The following AGBL4 variants were observed in gnomAD, a reference collection of about 807,000 sequenced individuals.
AGBL4 encodes the protein cytosolic carboxypeptidase 6.
In AGBL4, 58 loss-of-function variants were observed where a neutral mutation model predicts 66.4. That is an observed-to-expected ratio of 0.87 (90% confidence interval 0.71 to 1.09). The LOEUF is 1.09. AGBL4 is among the 50% of genes least tolerant of loss of function. The probability of loss-of-function intolerance (pLI) is 0.00; values close to 1 mark genes in which losing one functional copy is unlikely to be tolerated. For missense variants in AGBL4, 579 were observed against 631.0 expected (o/e 0.92, Z 0.88); for synonymous variants, 234 against 222.9 (o/e 1.05, Z -0.44).
intron 2 of AGBL4, among the ~76,000 whole-genome samples, chr1:49,785,894 ATATAT>A (rs1401804538): frequency 7.1e-4 from 90 of 126,292 alleles, no homozygotes; most frequent in African/African-American, 1.8e-3. Context: ...GAAAAAAAAA[ATATAT>A]ATATATATAT....
chr1:49,062,248 G>A (rs986603688), intron 4 of AGBL4, among the ~76,000 whole-genome samples: 7 of 152,114 alleles, frequency 4.6e-5, no homozygotes, highest in African/African-American at 4.8e-5. Flanking sequence ...GAGATTCTTC[G>A]TAGGTCAAGA....
In AGBL4 at chr1:48,663,207, T is replaced by A. The variant is rs1465913209; in HGVS notation, c.669A>T (p.Val223=). 1 of 1,613,820 alleles carries A rather than the reference T, an allele frequency of 6.2e-7. No homozygotes were observed. Among genetic ancestry groups the A allele is most frequent in the African/African-American group, 1.3e-5 (1 of 74,916 alleles). Residue 223 remains valine, a synonymous_variant, in exon 7 of 14, where the codon GTA becomes GTT. Transcript: ENST00000371839. ...NLREGAEQKV[V]FITGRVHPGE... ...CTGGGTGGACTCGTCCTGTGATGAA[T>A]ACCACCTTCTGCTCTGCCCCTTCCC... is the stretch of plus-strand genomic sequence containing the variant.
In AGBL4 at chr1:49,523,768, C is replaced by T. The variant is rs1023159729; in HGVS notation, c.282+173545G>A. Reference sequence around the variant, plus strand: ...GTTATCAAGCAACCACACAGTGTTACGCACTGAATGCAGAAATGAATAAGC... The same window carrying T: ...GTTATCAAGCAACCACACAGTGTTATGCACTGAATGCAGAAATGAATAAGC... On this transcript the variant is annotated intron_variant, in intron 3 of 13. Transcript: ENST00000371839. 3.3e-5 allele frequency among the ~76,000 whole-genome samples: 5 copies of T among 152,058 alleles called. 1 individual carries two copies. Among genetic ancestry groups the T allele is most frequent in the East Asian group, 1.9e-4 (1 of 5,196 alleles).
At chr1:49,396,990 A>T (rs1304166951) in intron 3 of AGBL4, among the ~76,000 whole-genome samples, 2 of 152,140 alleles carry the variant, frequency 1.3e-5, no homozygotes, top group Non-Finnish European at 2.9e-5. Context: ...AGATTCTTAT[A>T]AGTAGTGTGC....
At chr1:49,199,186 C>T (rs192859516) in intron 4 of AGBL4, among the ~76,000 whole-genome samples, 18 of 152,252 alleles carry the variant, frequency 1.2e-4, no homozygotes, top group Admixed American at 4.6e-4. Context: ...GATGAGGAAA[C>T]GGATGCAGAG....
chr1:49,246,164 G>T (rs1367921559), intron 3 of AGBL4, among the ~76,000 whole-genome samples: 1 of 151,838 alleles, frequency 6.6e-6, no homozygotes, highest in Non-Finnish European at 1.5e-5. Flanking sequence ...TGAAAAATGT[G>T]AATAATAACA....
chr1:48,637,287 C>T (rs764667041), intron 8 of AGBL4, among the ~76,000 whole-genome samples: 17 of 152,188 alleles, frequency 1.1e-4, no homozygotes, highest in Non-Finnish European at 2.2e-4. Context: ...GGGATGACCT[C>T]TTCTTTTCCT....
At chr1:48,837,394 A>G (rs1314776997) in intron 6 of AGBL4, among the ~76,000 whole-genome samples, 1 of 151,964 alleles carries the variant, frequency 6.6e-6, no homozygotes, top group African/African-American at 2.4e-5. Context: ...CATTTGAGTC[A>G]GTGGGCTGGG....
chr1:49,985,478 A>G (rs1028996768), intron 1 of AGBL4, among the ~76,000 whole-genome samples: 2 of 152,118 alleles, frequency 1.3e-5, no homozygotes. Flanking sequence ...GTGAAGAGAA[A>G]AAAAATCACA....
intron 5 of AGBL4, among the ~76,000 whole-genome samples, chr1:48,927,446 TC>T (rs1654680089): frequency 6.6e-6 from 1 of 152,152 alleles, no homozygotes; most frequent in Non-Finnish European, 1.5e-5. Flanking sequence ...ACCAGGTCCC[TC>T]CCATGAAATG....
Position 48,771,847 on chromosome 1 carries a change from T to C in AGBL4, c.634+95344A>G, listed in dbSNP as rs12092274. On this transcript the variant is annotated intron_variant, in intron 6 of 13. Coordinates refer to ENST00000371839, the MANE Select transcript of AGBL4 (RefSeq NM_032785.4). ...TAAAATTACCAAAGCAATAAGAACATGGCTTTGGAAGCTATTTCCCCCAAG... is the reference window on the plus strand; with the variant it reads ...TAAAATTACCAAAGCAATAAGAACACGGCTTTGGAAGCTATTTCCCCCAAG... Among the ~76,000 whole-genome samples, 289 of 152,348 alleles carry C rather than the reference T, an allele frequency of 1.9e-3. 5 individuals carry two copies. The highest frequency in any genetic ancestry group is 6.4e-3 in the African/African-American group (268 of 41,586).
chr1:48,994,385 A>G (rs1186532546), intron 5 of AGBL4, among the ~76,000 whole-genome samples: 1 of 152,186 alleles, frequency 6.6e-6, no homozygotes, highest in Non-Finnish European at 1.5e-5. Context: ...AGCATTTTCT[A>G]TATGTATCTG....
chr1:49,847,573 G>T (rs1451659340), intron 2 of AGBL4, among the ~76,000 whole-genome samples: 2 of 151,760 alleles, frequency 1.3e-5, no homozygotes, highest in Non-Finnish European at 2.9e-5. Context: ...CAAAAAAGTA[G>T]ATATCCAAAT....
intron 6 of AGBL4, among the ~76,000 whole-genome samples, chr1:48,694,131 GAT>G (rs1646678983): frequency 6.6e-6 from 1 of 150,468 alleles, no homozygotes; most frequent in Non-Finnish European, 1.5e-5. Context: ...CTGGACTCTT[GAT>G]ATACTAACAC....
chr1:48,882,680 T>C (rs918273663), intron 5 of AGBL4, among the ~76,000 whole-genome samples: 2 of 152,178 alleles, frequency 1.3e-5, no homozygotes, highest in Admixed American at 6.6e-5. Context: ...CAAGTAAAAT[T>C]ATTGTCACCA....
intron 1 of AGBL4, among the ~76,000 whole-genome samples, chr1:49,952,626 C>G (rs1656258749): frequency 6.6e-6 from 1 of 151,896 alleles, no homozygotes. Context: ...TTCTTTTGAC[C>G]TCTATTCACT....
intron 3 of AGBL4, among the ~76,000 whole-genome samples, chr1:49,331,325 A>G (rs1281208617): frequency 6.6e-6 from 1 of 152,032 alleles, no homozygotes; most frequent in African/African-American, 2.4e-5. Flanking sequence ...ACCTCACAAG[A>G]TAAGACCAAC....
chr1:49,310,538 G>T (rs1224402558), intron 3 of AGBL4, among the ~76,000 whole-genome samples: 4 of 152,064 alleles, frequency 2.6e-5, no homozygotes, highest in African/African-American at 4.8e-5. Flanking sequence ...AGAAAATACT[G>T]TCTAAATTGT....
chr1:48,855,756 T>A (rs1647135165), intron 6 of AGBL4, among the ~76,000 whole-genome samples: 1 of 152,180 alleles, frequency 6.6e-6, no homozygotes, highest in African/African-American at 2.4e-5. Flanking sequence ...TAGAACTTTT[T>A]TTTTTGCAAA....
Sources: gnomAD v4.1 joint callset for allele counts (sites outside exome capture counted in the v4.1 genomes callset) on GRCh38, gnomAD v4.1.1 for gene constraint, MANE v1.5 for transcripts, NCBI Gene and HGNC (gene_info 2026-07-23, HGNC 2026-07-21) for gene names.